IQCM: variants seen among roughly 807,000 people sequenced by gnomAD.
IQCM encodes IQ domain-containing protein M.
Under a neutral mutation model 57.6 loss-of-function variants are expected in IQCM, and 45 were observed. The observed-to-expected ratio is 0.78, with a 90% CI of 0.62 to 1.00. The LOEUF is 1.00. Ranked by LOEUF, IQCM falls within the 50% of genes least tolerant of loss-of-function variation. The probability of loss-of-function intolerance (pLI) is 0.00; values close to 1 mark genes in which losing one functional copy is unlikely to be tolerated. For missense variants in IQCM, 468 were observed against 511.6 expected (o/e 0.91, Z 0.82); for synonymous variants, 148 against 158.9 (o/e 0.93, Z 0.51).
chr4:149,380,833 T>C (rs570273754), intron 13 of IQCM, among the ~76,000 whole-genome samples: 2 of 152,194 alleles, frequency 1.3e-5, no homozygotes, highest in Non-Finnish European at 2.9e-5. Context: ...AGGTATCACA[T>C]GCTTCCACTC....
chr4:149,718,646 G>A (rs1765195399), intron 5 of IQCM, among the ~76,000 whole-genome samples: 1 of 152,170 alleles, frequency 6.6e-6, no homozygotes, highest in African/African-American at 2.4e-5. Context: ...CAGTTCTGGA[G>A]GCCAGCAGTC....
At chr4:149,603,679 C>G (rs889464738) in intron 8 of IQCM, among the ~76,000 whole-genome samples, 3 of 149,472 alleles carry the variant, frequency 2.0e-5, no homozygotes, top group African/African-American at 7.4e-5. Flanking sequence ...AACTCCCTGA[C>G]AAAATGAGAA....
chr4:149,369,592 CTTAA>C (rs1222011325), intron 13 of IQCM, among the ~76,000 whole-genome samples: 2 of 152,104 alleles, frequency 1.3e-5, no homozygotes, highest in East Asian at 1.9e-4. Flanking sequence ...CAAGCAAGTG[CTTAA>C]TTATTCACTT....
chr4:149,726,140 A>AAAGAAAAG (rs1302249812), intron 5 of IQCM, among the ~76,000 whole-genome samples: 9 of 130,730 alleles, frequency 6.9e-5, no homozygotes, highest in Non-Finnish European at 1.5e-4. Context: ...AGAAAGAAAG[A>AAAGAAAAG]AAAGAAAGAA....
intron 13 of IQCM, among the ~76,000 whole-genome samples, chr4:149,423,351 C>A (rs1734244323): frequency 6.6e-6 from 1 of 151,976 alleles, no homozygotes; most frequent in African/African-American, 2.4e-5. Context: ...ATGGGGGAAA[C>A]CTCCGTGATG....
At chr4:149,498,618 G>A (rs915979543) in intron 12 of IQCM, among the ~76,000 whole-genome samples, 5 of 152,138 alleles carry the variant, frequency 3.3e-5, no homozygotes, top group African/African-American at 1.2e-4. Context: ...GCAGTAGGGA[G>A]GCCCTCCCAG....
At chr4:149,656,776 C>T (rs1759675000) in intron 7 of IQCM, among the ~76,000 whole-genome samples, 1 of 151,748 alleles carries the variant, frequency 6.6e-6, no homozygotes, top group Non-Finnish European at 1.5e-5. Flanking sequence ...CTCTTACAAG[C>T]CTTGAGAGAA....
chr4:149,512,394 C>A (rs1216602932), intron 12 of IQCM, among the ~76,000 whole-genome samples: 1 of 152,082 alleles, frequency 6.6e-6, no homozygotes, highest in African/African-American at 2.4e-5. Flanking sequence ...AAATGCTAAG[C>A]TAAGAAATTT....
chr4:149,634,514 C>T (rs1355003012), intron 7 of IQCM, among the ~76,000 whole-genome samples: 1 of 152,158 alleles, frequency 6.6e-6, no homozygotes, highest in Non-Finnish European at 1.5e-5. Flanking sequence ...ATTTGTATTC[C>T]TATATACATA....
At chr4:149,515,059 C>CAT (rs1196302208) in intron 12 of IQCM, among the ~76,000 whole-genome samples, 3 of 126,888 alleles carry the variant, frequency 2.4e-5, no homozygotes, top group East Asian at 4.9e-4. Flanking sequence ...AATAAACTCC[C>CAT]ATATATATAC....
At chr4:149,776,515 AC>A (rs762531032) in intron 2 of IQCM, among the ~76,000 whole-genome samples, 6 of 152,322 alleles carry the variant, frequency 3.9e-5, no homozygotes, top group Non-Finnish European at 7.4e-5. Context: ...TTCTATAATC[AC>A]AACTTGAAAG....
intron 13 of IQCM, among the ~76,000 whole-genome samples, chr4:149,357,360 A>G (rs928110686): frequency 2.6e-5 from 4 of 152,210 alleles, no homozygotes; most frequent in African/African-American, 9.7e-5. Context: ...TTGTCCATTC[A>G]GTATGATATT....
At chr4:149,664,413 C>T (rs564174145) in intron 7 of IQCM, among the ~76,000 whole-genome samples, 4 of 152,058 alleles carry the variant, frequency 2.6e-5, no homozygotes, top group Admixed American at 2.0e-4. Context: ...TCCAATGGAG[C>T]CGTCACTTTT....
chr4:149,721,259 C>T (rs1435082073), intron 5 of IQCM, among the ~76,000 whole-genome samples: 1 of 152,046 alleles, frequency 6.6e-6, no homozygotes, highest in Non-Finnish European at 1.5e-5. Flanking sequence ...AAGTTATATG[C>T]AAATACGCCA....
At chr4:149,358,545 G>A (rs1729179693) in intron 13 of IQCM, among the ~76,000 whole-genome samples, 1 of 152,108 alleles carries the variant, frequency 6.6e-6, no homozygotes, top group African/African-American at 2.4e-5. Flanking sequence ...TTTCCATGTA[G>A]TTGAGTGGTT....
chr4:149,374,701 G>T (rs1396547680), intron 13 of IQCM, among the ~76,000 whole-genome samples: 1 of 151,970 alleles, frequency 6.6e-6, no homozygotes, highest in Non-Finnish European at 1.5e-5. Context: ...CTGTTTTCTG[G>T]TGTATTTATA....
chr4:149,372,285 A>G (rs367986419), intron 13 of IQCM, among the ~76,000 whole-genome samples: 14 of 152,314 alleles, frequency 9.2e-5, no homozygotes, highest in African/African-American at 1.4e-4. Flanking sequence ...TTTGTAAACT[A>G]AAGTTGTACT....
rs150983547 is a variant in IQCM, at chr4:149,669,119, C to G, written c.565+12999G>C. Among the ~76,000 whole-genome samples the G allele has an allele frequency of 5.3e-3, 804 of 152,300 alleles. 4 individuals carry two copies. Among genetic ancestry groups the G allele is most frequent in the Non-Finnish European group, 7.7e-3 (522 of 68,026 alleles). On this transcript the variant is annotated intron_variant, in intron 7 of 13. Transcript: ENST00000636793. ...ACAGTGTAAAAGTGTTCCTATTTCT[C>G]CACATCCTCTCCAGCACCTGTTGTG...
At chr4:149,773,304 A>T (rs1770763393) in intron 2 of IQCM, among the ~76,000 whole-genome samples, 1 of 151,756 alleles carries the variant, frequency 6.6e-6, no homozygotes. Context: ...GTGAGCCAAG[A>T]TGGTGCCACT....
Sources: allele counts gnomAD v4.1 joint callset (sites outside exome capture counted in the v4.1 genomes callset), GRCh38; gene constraint gnomAD v4.1.1; transcripts MANE v1.5; gene names NCBI Gene and HGNC (gene_info 2026-07-23, HGNC 2026-07-21).